ZNF93: variants seen among roughly 807,000 people sequenced by gnomAD.
The protein encoded by ZNF93 is zinc finger protein 93.
ZNF93 carries 29 observed loss-of-function variants against 45.0 expected under a neutral mutation model. The observed-to-expected ratio is 0.64, with a 90% confidence interval of 0.48 to 0.88. The LOEUF (loss-of-function observed/expected upper bound fraction) is 0.88, where lower values mean the gene tolerates loss of function less well. Among genes scored for constraint, ZNF93 ranks in the 40% least tolerant of loss-of-function variants. The pLI, the probability that ZNF93 is intolerant of heterozygous loss-of-function variation, is 0.00. For missense variants in ZNF93, 578 were observed against 724.0 expected (o/e 0.80, Z 2.31); for synonymous variants, 223 against 244.6 (o/e 0.91, Z 0.82).
intron 1 of ZNF93, 85 bp from the exon 2 acceptor site, chr19:19,915,195 C>T: frequency 1.2e-6 from 2 of 1,606,232 alleles, no homozygotes; most frequent in Non-Finnish European, 1.7e-6. Flanking sequence ...AGAACCACTT[C>T]TCTTTACTCT....
chr19:19,920,824 TTCTTC>T (rs1466700158), intron 3 of ZNF93, among the ~76,000 whole-genome samples: 3 of 152,168 alleles, frequency 2.0e-5, no homozygotes, highest in African/African-American at 7.2e-5. Context: ...ATCTATTTGA[TTCTTC>T]TCTCTTTTCT....
chr19:19,905,380 A>G (rs560524990), intron 1 of ZNF93, among the ~76,000 whole-genome samples: 1 of 152,192 alleles, frequency 6.6e-6, no homozygotes, highest in African/African-American at 2.4e-5. Context: ...CTCCACCCTC[A>G]ACTAGGCCTC....
Position 19,933,492 on chromosome 19 carries a change from C to T in ZNF93, c.537C>T (p.Gly179=), listed in dbSNP as rs1378680438. 6.2e-7 allele frequency: 1 copy of T among 1,606,650 alleles called. No homozygotes were observed. The highest frequency in any genetic ancestry group is 8.5e-7 in the Non-Finnish European group (1 of 1,177,864). Residue 179 remains glycine, a synonymous_variant, in exon 4 of 4, where the codon GGC becomes GGT. Coordinates refer to ENST00000343769, the MANE Select transcript of ZNF93 (RefSeq NM_031218.4). ...AACCTTTCAAATGCATAGAATGTGG[C>T]AAAGCTTTTAACCAGTTCTCAACCC... The part of the protein sequence containing the change: ...EKKPFKCIEC[G]KAFNQFSTLI...
intron 1 of ZNF93, among the ~76,000 whole-genome samples, chr19:19,903,049 T>C (rs555169418): frequency 3.4e-4 from 52 of 152,154 alleles, no homozygotes; most frequent in Non-Finnish European, 6.2e-4. Flanking sequence ...TTTGGGAGGA[T>C]CTTACTGACG....
Position 19,909,701 on chromosome 19 carries a change from A to G in ZNF93, c.4-5579A>G, listed in dbSNP as rs1599566564. 2.6e-5 allele frequency among the ~76,000 whole-genome samples: 4 copies of G among 152,318 alleles called. No individual in the cohort carries two copies. The South Asian group carries it at 8.3e-4, about 32-fold the overall frequency. On this transcript the variant is annotated intron_variant, in intron 1 of 3. Coordinates refer to ENST00000343769, the MANE Select transcript of ZNF93 (RefSeq NM_031218.4). ...TGTGGAGTTTCTCTGAAAATAGAGA[A>G]AATTTTTCTTTTAATTATTGTTTCC...
intron 3 of ZNF93, chr19:19,932,932 T>C: frequency 3.8e-6 from 1 of 261,340 alleles, no homozygotes; most frequent in East Asian, 6.9e-5. Context: ...TAAAGACATC[T>C]TCAAAATATT....
At chr19:19,901,210 C>A in intron 1 of ZNF93, 119 bp downstream of exon 1, 1 of 1,525,668 alleles carries the variant, frequency 6.6e-7, no homozygotes, top group Non-Finnish European at 9.0e-7. Flanking sequence ...CGCCGGAGTT[C>A]TTGCCCAGCT....
Position 19,933,062 on chromosome 19 carries a change from TGTG to T in ZNF93, c.227-117_227-115del, listed in dbSNP as rs2063379435. The T allele has an allele frequency of 7.7e-6, 6 of 776,616 alleles. No individual in the cohort carries two copies. The South Asian group carries it at 2.3e-4, about 30-fold the overall frequency. 48.1% of individuals were successfully genotyped at this position (776,616 alleles called of 1,614,324 possible). A position where few individuals can be genotyped will look rare whatever the true frequency, so the allele number is the denominator to read the frequency against. On this transcript the variant is annotated intron_variant, in intron 3 of 3. Coordinates refer to ENST00000343769, the MANE Select transcript of ZNF93 (RefSeq NM_031218.4). Reference sequence around the variant, plus strand: ...ATATGTTCAGGAAGACATTACAGCTTGTGGTATTTTACTATGTCATCTTAGTTA... The same window carrying T: ...ATATGTTCAGGAAGACATTACAGCTTGTATTTTACTATGTCATCTTAGTTA...
chr19:19,929,138 T>C (rs1233173132), intron 3 of ZNF93, among the ~76,000 whole-genome samples: 1 of 152,184 alleles, frequency 6.6e-6, no homozygotes, highest in Non-Finnish European at 1.5e-5. Context: ...TAAAAGAACG[T>C]GGCTTCTTCA....
chr19:19,915,248 A>G, intron 1 of ZNF93, 32 bp from the exon 2 acceptor site: 1 of 1,612,956 alleles, frequency 6.2e-7, no homozygotes, highest in Non-Finnish European at 8.5e-7. Flanking sequence ...ACCCATGGCC[A>G]CTTGGTGAAA....
At chr19:19,929,982 C>T (rs1055463639) in intron 3 of ZNF93, among the ~76,000 whole-genome samples, 1 of 137,050 alleles carries the variant, frequency 7.3e-6, no homozygotes, top group Non-Finnish European at 1.6e-5. Flanking sequence ...GAAATAAAGA[C>T]ACAAGACAAA....
intron 3 of ZNF93, among the ~76,000 whole-genome samples, chr19:19,930,756 T>C (rs751984413): frequency 9.2e-5 from 14 of 152,224 alleles, no homozygotes; most frequent in Non-Finnish European, 1.6e-4. Flanking sequence ...GAATAAAAAG[T>C]AATTGCTACC....
chr19:19,916,288 A>T (rs982818978), intron 2 of ZNF93, among the ~76,000 whole-genome samples: 6 of 152,088 alleles, frequency 3.9e-5, no homozygotes, highest in Non-Finnish European at 7.4e-5. Context: ...TCTGGTCTCC[A>T]ACTCCTGACT....
chr19:19,913,085 T>C (rs1225745264), intron 1 of ZNF93, among the ~76,000 whole-genome samples: 1 of 152,098 alleles, frequency 6.6e-6, no homozygotes, highest in African/African-American at 2.4e-5. Context: ...GTGCTGTTCC[T>C]GCTTTCTCTA....
intron 3 of ZNF93, among the ~76,000 whole-genome samples, chr19:19,925,155 T>C (rs2063352880): frequency 6.6e-6 from 1 of 152,176 alleles, no homozygotes; most frequent in Non-Finnish European, 1.5e-5. Flanking sequence ...TCCTGGGCTG[T>C]AGCCAAGAAC....
Position 19,934,500 on chromosome 19 carries a change from C to T in ZNF93, c.1545C>T (p.Gly515=). The T allele has an allele frequency of 6.2e-7, 1 of 1,613,234 alleles. No homozygotes were observed. The highest frequency in any genetic ancestry group is 8.5e-7 in the Non-Finnish European group (1 of 1,179,988). The change falls in exon 4 of 4, where the codon GGC becomes GGT. Residue 515 remains glycine, a synonymous_variant. Coordinates refer to ENST00000343769, the MANE Select transcript of ZNF93 (RefSeq NM_031218.4). The part of the protein sequence containing the change: ...GEKPYKCEEC[G]KAFNQSSTLI... ...AACCCTACAAATGTGAAGAATGTGG[C>T]AAAGCTTTTAACCAGTCCTCAACCC...
chr19:19,928,112 AG>A (rs935119681), intron 3 of ZNF93, among the ~76,000 whole-genome samples: 1 of 152,194 alleles, frequency 6.6e-6, no homozygotes, highest in Non-Finnish European at 1.5e-5. Flanking sequence ...TTTATGTCTA[AG>A]TAGTTTATTT....
rs2063381212 is a variant in ZNF93, at chr19:19,933,483, A to G, written c.528A>G (p.Ile176Met). 1.2e-6 allele frequency: 2 copies of G among 1,605,534 alleles called. No homozygotes were observed. Among genetic ancestry groups the G allele is most frequent in the South Asian group, 2.2e-5 (2 of 89,394 alleles). Reference protein sequence around the residue: ...RHTEKKPFKCIECGKAFNQFS... With the variant: ...RHTEKKPFKCMECGKAFNQFS... Reference sequence around the variant, plus strand: ...CTGAAAAAAAACCTTTCAAATGCATAGAATGTGGCAAAGCTTTTAACCAGT... The same window carrying G: ...CTGAAAAAAAACCTTTCAAATGCATGGAATGTGGCAAAGCTTTTAACCAGT... Residue 176 changes from isoleucine (I) to methionine (M), a missense_variant, in exon 4 of 4, where the codon ATA (isoleucine) becomes ATG (methionine). By Grantham distance (10) the Ile-to-Met change is conservative. Around this residue, in one of 3 missense-constraint regions of ZNF93, gnomAD observed 446 missense variants for 547.6 expected, o/e 0.81. Coordinates refer to ENST00000343769, the MANE Select transcript of ZNF93 (RefSeq NM_031218.4).
At chr19:19,906,059 C>T (rs1196923143) in intron 1 of ZNF93, among the ~76,000 whole-genome samples, 1 of 152,098 alleles carries the variant, frequency 6.6e-6, no homozygotes, top group Non-Finnish European at 1.5e-5. Flanking sequence ...TATAAGGTTT[C>T]TGGGTCAAAT....
Sources: gnomAD v4.1 joint callset for allele counts (sites outside exome capture counted in the v4.1 genomes callset) on GRCh38, gnomAD v4.1.1 for gene constraint, gnomAD v4.1.1 regional missense constraint, MANE v1.5 for transcripts, NCBI Gene and HGNC (gene_info 2026-07-23, HGNC 2026-07-21) for gene names.